YLPM1: variants seen among roughly 807,000 people sequenced by gnomAD.
The protein encoded by YLPM1 is YLP motif-containing protein 1.
Under a neutral mutation model 230.0 loss-of-function variants are expected in YLPM1, and 99 were observed. The ratio of observed to expected loss-of-function variants is 0.43; its 90% CI spans 0.37 to 0.51. The LOEUF (loss-of-function observed/expected upper bound fraction) is 0.51. YLPM1 is among the 20% of genes least tolerant of loss of function. The pLI is 0.00. For synonymous variants in YLPM1, 984 were observed against 942.5 expected, an observed-to-expected ratio of 1.04 and a Z score of -0.81; for missense variants, 2,592 against 2,707.7, an observed-to-expected ratio of 0.96 and a Z score of 0.95.
intron 3 of YLPM1, among the ~76,000 whole-genome samples, chr14:74,780,817 C>T (rs1412851424): frequency 2.6e-5 from 4 of 152,140 alleles, no homozygotes; most frequent in African/African-American, 9.7e-5. Flanking sequence ...CTTACTATTG[C>T]TAAGGGTCTT....
At chr14:74,817,689 T>G (rs1388911316) in intron 15 of YLPM1, among the ~76,000 whole-genome samples, 1 of 152,202 alleles carries the variant, frequency 6.6e-6, no homozygotes, top group African/African-American at 2.4e-5. Context: ...CCTTTTTTTT[T>G]CATAATAACT....
chr14:74,777,593 G>T (rs572780887), intron 1 of YLPM1, among the ~76,000 whole-genome samples: 38 of 151,790 alleles, frequency 2.5e-4, no homozygotes, highest in Non-Finnish European at 4.7e-4. Flanking sequence ...ATAAAACACA[G>T]CATATTCTCT....
chr14:74,777,665 C>G (rs2091055339), intron 1 of YLPM1, among the ~76,000 whole-genome samples: 1 of 151,486 alleles, frequency 6.6e-6, no homozygotes, highest in Non-Finnish European at 1.5e-5. Context: ...TAGACTAATG[C>G]TACAACAGGT....
chr14:74,816,872 A>G, intron 13 of YLPM1, 59 bp from the exon 14 acceptor site: 1 of 1,494,456 alleles, frequency 6.7e-7, no homozygotes, highest in South Asian at 1.4e-5. Flanking sequence ...TAACCAAGGA[A>G]AAGGTTTTGG....
chr14:74,829,388 T>C lies in YLPM1; in HGVS notation c.6294+45T>C, dbSNP rs1300897728. On this transcript the variant is annotated intron_variant, in intron 19 of 20. Transcript: ENST00000325680. ...ACTGCCAACAAATGAAGGGCCCATTTAGGCATCTGGTTTTAGGAAGTTACA... is the reference window on the plus strand; with the variant it reads ...ACTGCCAACAAATGAAGGGCCCATTCAGGCATCTGGTTTTAGGAAGTTACA... The C allele has an allele frequency of 1.2e-5, 19 of 1,608,690 alleles. No individual in the cohort carries two copies. In the South Asian group the frequency reaches 2.0e-4, roughly 17 times the overall value.
At chr14:74,810,143 C>G in intron 8 of YLPM1, 82 bp from the exon 9 acceptor site, 1 of 1,511,062 alleles carries the variant, frequency 6.6e-7, no homozygotes, top group South Asian at 1.3e-5. Flanking sequence ...AAATTTATAC[C>G]AGCTCTGAAG....
intron 4 of YLPM1, among the ~76,000 whole-genome samples, chr14:74,792,504 A>C (rs2091216995): frequency 1.3e-5 from 2 of 152,142 alleles, no homozygotes; most frequent in African/African-American, 4.8e-5. Context: ...CATTTTTATC[A>C]AAGTGATTCA....
chr14:74,825,257 C>G (rs538333446), intron 18 of YLPM1, among the ~76,000 whole-genome samples: 2 of 152,114 alleles, frequency 1.3e-5, no homozygotes, highest in African/African-American at 4.8e-5. Context: ...ATTTTACATG[C>G]AATTACATAA....
intron 16 of YLPM1, 50 bp downstream of exon 16, chr14:74,818,364 C>T: frequency 6.7e-7 from 1 of 1,482,544 alleles, no homozygotes; most frequent in Non-Finnish European, 9.1e-7. Context: ...TACTTTTTCA[C>T]CTTTTTACTT....
chr14:74,816,056 T>A, intron 11 of YLPM1, 147 bp from the exon 12 acceptor site: 1 of 641,894 alleles, frequency 1.6e-6, no homozygotes, highest in Non-Finnish European at 2.6e-6. Flanking sequence ...TTTATATTAT[T>A]TCTGTCCTTT....
intron 1 of YLPM1, among the ~76,000 whole-genome samples, chr14:74,768,127 T>G (rs12889665): frequency 0.48 from 72,775 of 152,032 alleles, 17,812 homozygotes; most frequent in Non-Finnish European, 0.54. Context: ...AAGAAAAACT[T>G]TTGCCACAGA....
chr14:74,766,741 T>G (rs1311976822), intron 1 of YLPM1, among the ~76,000 whole-genome samples: 1 of 150,192 alleles, frequency 6.7e-6, no homozygotes, highest in African/African-American at 2.5e-5. Context: ...CCTCTCAAAG[T>G]GCTGGGATTA....
At chr14:74,792,312 T>C (rs954272374) in intron 4 of YLPM1, among the ~76,000 whole-genome samples, 6 of 152,178 alleles carry the variant, frequency 3.9e-5, no homozygotes, top group Non-Finnish European at 8.8e-5. Flanking sequence ...TATTTTGCAT[T>C]ATATTTATAA....
Position 74,799,039 on chromosome 14 carries a change from T to A in YLPM1, c.3742T>A (p.Phe1248Ile). ...AGAGCTCTATAACAGAGAGGACAGG[T>A]TCTCAGCACCACCATCTCGGTCTCA... ...TLELYNREDR[F>I]SAPPSRSHDG... Residue 1248 changes from phenylalanine (F) to isoleucine (I), a missense_variant, in exon 5 of 21, where the codon TTC (phenylalanine) becomes ATC (isoleucine). Physicochemically the swap from Phe to Ile is conservative, Grantham distance 21. Coordinates refer to ENST00000325680, the MANE Select transcript of YLPM1 (RefSeq NM_019589.3). 6.2e-7 allele frequency: 1 copy of A among 1,613,892 alleles called. No homozygotes were observed. The highest frequency in any genetic ancestry group is 1.3e-5 in the African/African-American group (1 of 75,012).
At chr14:74,796,606 G>A (rs1357413608) in intron 4 of YLPM1, among the ~76,000 whole-genome samples, 2 of 151,870 alleles carry the variant, frequency 1.3e-5, no homozygotes, top group Admixed American at 6.5e-5. Flanking sequence ...TTTTATTCTT[G>A]TATCTCTTGG....
chr14:74,773,190 A>T (rs927303797), intron 1 of YLPM1, among the ~76,000 whole-genome samples: 46 of 152,188 alleles, frequency 3.0e-4, no homozygotes, highest in Non-Finnish European at 1.0e-4. Context: ...CAGGAGGCTG[A>T]GGCAGGAGAA....
Position 74,763,839 on chromosome 14 carries a change from A to G in YLPM1, c.350A>G (p.Tyr117Cys). ...MPPPPGPALSYQKQQQYKHQM... is the reference protein window; with the variant it reads ...MPPPPGPALSCQKQQQYKHQM... Reference sequence around the variant, plus strand: ...CCGCCACCCGGGCCGGCCCTCAGCTATCAGAAGCAGCAGCAGTACAAACAC... The same window carrying G: ...CCGCCACCCGGGCCGGCCCTCAGCTGTCAGAAGCAGCAGCAGTACAAACAC... Residue 117 changes from tyrosine (Y) to cysteine (C), a missense_variant, in exon 1 of 21, where the codon TAT (tyrosine) becomes TGT (cysteine). Coordinates refer to ENST00000325680, the MANE Select transcript of YLPM1 (RefSeq NM_019589.3). 1.3e-6 allele frequency: 2 copies of G among 1,514,212 alleles called. No homozygotes were observed. Among genetic ancestry groups the G allele is most frequent in the Non-Finnish European group, 1.8e-6 (2 of 1,130,196 alleles). 93.8% of individuals were successfully genotyped at this position (1,514,212 alleles called of 1,614,324 possible).
chr14:74,763,583 C>T lies in YLPM1; in HGVS notation c.94C>T (p.Pro32Ser). The T allele has an allele frequency of 6.3e-7, 1 of 1,586,144 alleles. No individual in the cohort carries two copies. ...PPPVALPEAS[P>S]GPGYSSSTTP... ...GCCAGTGGCGCTTCCTGAGGCCTCG[C>T]CGGGGCCCGGGTACTCGAGCTCGAC... The change falls in exon 1 of 21, where the codon CCG becomes TCG. Residue 32 changes from proline (P) to serine (S), a missense_variant. By Grantham distance (74) the Pro-to-Ser change is moderately conservative. This residue lies in a region of YLPM1 where 1,862 missense variants were observed against 1,819.8 expected (regional missense o/e 1.02). Transcript: ENST00000325680.
At chr14:74,802,427 A>C in intron 5 of YLPM1, 129 bp from the exon 6 acceptor site, 2,102 of 770,190 alleles carry the variant, frequency 2.7e-3, no homozygotes, top group Non-Finnish European at 3.6e-3. Flanking sequence ...TGCTCAGTGT[A>C]TGGCCACTGC....
Sources: gnomAD v4.1 joint callset for allele counts (sites outside exome capture counted in the v4.1 genomes callset) on GRCh38, gnomAD v4.1.1 for gene constraint, gnomAD v4.1.1 regional missense constraint, MANE v1.5 for transcripts, NCBI Gene and HGNC (gene_info 2026-07-23, HGNC 2026-07-21) for gene names.